Variants in UBN1 observed in about 807,000 individuals in gnomAD.
UBN1 encodes the protein ubinuclein 1.
Under a neutral mutation model 108.5 loss-of-function variants are expected in UBN1, and 17 were observed. That is an observed-to-expected ratio of 0.16 (90% CI 0.11 to 0.24). The LOEUF is 0.24. Among genes scored for constraint, UBN1 ranks in the 10% least tolerant of loss-of-function variants. UBN1 has a pLI of 1.00. For missense variants in UBN1, 1,595 were observed against 1,394.4 expected (o/e 1.14, Z -2.29); for synonymous variants, 726 against 564.2 (o/e 1.29, Z -4.07).
At chr16:4,852,782 G>C (rs904768967) in intron 1 of UBN1, 97 bp from the exon 2 acceptor site, 12 of 1,237,914 alleles carry the variant, frequency 9.7e-6, no homozygotes, top group Admixed American at 2.7e-5. Context: ...GAGTTTTCTT[G>C]ACAATGAAAT....
rs2087034402 is a variant in UBN1, at chr16:4,861,042, C to G, written c.1050C>G (p.Pro350=). ...GVGLDQEFRQ[P]SSLPEGLPAP... is the part of the protein sequence containing the mutation. The stretch of plus-strand genomic sequence containing the variant: ...GATTGGACCAGGAATTCAGGCAGCC[C>G]TCTTCTCTCCCCGAAGGCCTGCCAG... The change falls in exon 7 of 18, where the codon CCC becomes CCG. Residue 350 remains proline, a synonymous_variant. Coordinates refer to ENST00000262376, the MANE Select transcript of UBN1 (RefSeq NM_001079514.3). 1.2e-6 allele frequency: 2 copies of G among 1,614,092 alleles called. No individual in the cohort carries two copies. The highest frequency in any genetic ancestry group is 2.2e-5 in the East Asian group (1 of 44,884).
In UBN1 at chr16:4,877,332, C is replaced by A; in HGVS notation, c.3266-53C>A. 6.4e-7 allele frequency: 1 copy of A among 1,573,924 alleles called. No individual in the cohort carries two copies. The highest frequency in any genetic ancestry group is 1.1e-5 in the South Asian group (1 of 87,156). On this transcript the variant is annotated intron_variant, in intron 16 of 17. Coordinates refer to ENST00000262376, the MANE Select transcript of UBN1 (RefSeq NM_001079514.3). The surrounding 1 kb of genome is among the most constrained non-coding windows in gnomAD (Gnocchi z 4.3). ...TGGCTGCTGGAGCTGCTTTCCTGTT[C>A]CTGTCTTCAATGTGTGTGTTTTGTT...
At chr16:4,871,117 A>C in intron 11 of UBN1, 38 bp from the exon 12 acceptor site, 1 of 1,611,980 alleles carries the variant, frequency 6.2e-7, no homozygotes, top group Non-Finnish European at 8.5e-7. Flanking sequence ...GCAGCATCTG[A>C]AGTAGTTTGG....
At chr16:4,864,874 A>G (rs746149732) in intron 7 of UBN1, among the ~76,000 whole-genome samples, 1 of 151,792 alleles carries the variant, frequency 6.6e-6, no homozygotes, top group African/African-American at 2.4e-5. Flanking sequence ...GGGAAAAAAA[A>G]CGAAAACAAC....
At chr16:4,860,207 T>C (rs999169176) in intron 6 of UBN1, among the ~76,000 whole-genome samples, 3 of 152,244 alleles carry the variant, frequency 2.0e-5, no homozygotes, top group Non-Finnish European at 4.4e-5. Flanking sequence ...CTGATGTTTC[T>C]CGTCCTCTGG....
At chr16:4,848,581 C>T (rs1019388761) in intron 1 of UBN1, among the ~76,000 whole-genome samples, 7 of 152,184 alleles carry the variant, frequency 4.6e-5, no homozygotes, top group Non-Finnish European at 7.3e-5. Flanking sequence ...GTTTAGCGTA[C>T]TGGGTCGTCC....
At position 4,853,073 on chromosome 16, in the gene UBN1, T is replaced by C. The variant is rs1197085392; in HGVS notation, c.156T>C (p.Phe52=). The change falls in exon 2 of 18, where the codon TTT becomes TTC. Residue 52 remains phenylalanine (F), a synonymous_variant. Transcript: ENST00000262376. The stretch of plus-strand genomic sequence containing the variant: ...CTGTTCGGATTACACTCACCCTCTT[T>C]GAACCAGATCACAAACGCTGCCCAG... The part of the protein sequence containing the change: ...AAAVRITLTL[F]EPDHKRCPEF... The C allele has an allele frequency of 6.2e-7, 1 of 1,614,246 alleles. No homozygotes were observed. The highest frequency in any genetic ancestry group is 8.5e-7 in the Non-Finnish European group (1 of 1,180,048).
In UBN1 at chr16:4,881,780, T is replaced by G. The variant is rs2088082410; in HGVS notation, c.*1648T>G. ...TTTGCAACTTGGATTTCCAGTTTGT[T>G]TACAGAGTAGTCTTAGGTAGTAGCA... On this transcript the variant is annotated 3_prime_UTR_variant, in exon 18 of 18. Transcript: ENST00000262376. 6.6e-6 allele frequency: 1 copy of G among 152,440 alleles called. No individual in the cohort carries two copies. The highest frequency in any genetic ancestry group is 2.4e-5 in the African/African-American group (1 of 41,386). The allele number at this position is 152,440 out of a possible 1,614,324, so 9.4% of individuals were successfully genotyped here.
chr16:4,868,798 T>C (rs1323665299), intron 7 of UBN1, 35 bp from the exon 8 acceptor site: 1 of 1,608,400 alleles, frequency 6.2e-7, no homozygotes, highest in East Asian at 2.2e-5. Flanking sequence ...GTGGGGAAAG[T>C]GCACTAACGG....
intron 7 of UBN1, 92 bp from the exon 8 acceptor site, chr16:4,868,741 T>G: frequency 7.7e-7 from 1 of 1,293,942 alleles, no homozygotes; most frequent in East Asian, 2.4e-5. Context: ...ACAGGTGCTC[T>G]TTATGGAGCG....
In UBN1 at chr16:4,875,204, A is replaced by G; in HGVS notation, c.2794A>G (p.Ser932Gly). ...ACCAGTCCAGAGTTCTGTTTCTGGGAGCCTGGTCCCTGGCATACAGCCTCC... is the reference window on the plus strand; with the variant it reads ...ACCAGTCCAGAGTTCTGTTTCTGGGGGCCTGGTCCCTGGCATACAGCCTCC... ...GTPVQSSVSGSLVPGIQPPSV... is the reference protein window; with the variant it reads ...GTPVQSSVSGGLVPGIQPPSV... Residue 932 changes from serine to glycine, a missense_variant, in exon 15 of 18, where the codon AGC (serine) becomes GGC (glycine). By Grantham distance (56) the Ser-to-Gly change is moderately conservative (BLOSUM62 0). Transcript: ENST00000262376. The G allele has an allele frequency of 6.2e-7, 1 of 1,614,204 alleles. No individual in the cohort carries two copies. Among genetic ancestry groups the G allele is most frequent in the Non-Finnish European group, 8.5e-7 (1 of 1,180,040 alleles).
At chr16:4,868,958 G>C (rs1596508149) in intron 8 of UBN1, 55 bp downstream of exon 8, 1 of 1,600,096 alleles carries the variant, frequency 6.2e-7, no homozygotes, top group East Asian at 2.2e-5. Flanking sequence ...TACTGAGCTT[G>C]GGGCAAGCCA....
chr16:4,863,431 C>T (rs1055533621), intron 7 of UBN1, among the ~76,000 whole-genome samples: 1 of 152,034 alleles, frequency 6.6e-6, no homozygotes, highest in Non-Finnish European at 1.5e-5. Flanking sequence ...CACTGGTATA[C>T]TCAAATTGCT....
intron 7 of UBN1, among the ~76,000 whole-genome samples, chr16:4,862,316 G>C (rs2087105687): frequency 6.6e-6 from 1 of 152,192 alleles, no homozygotes; most frequent in Non-Finnish European, 1.5e-5. Context: ...CATATACAAA[G>C]CAAATAAAGT....
rs1358514761 is a variant in UBN1 at position 4,847,556 on chromosome 16, AC to A, written c.-692del. The A allele has an allele frequency of 1.4e-5, 6 of 421,154 alleles. No individual in the cohort carries two copies. Among genetic ancestry groups the A allele is most frequent in the Non-Finnish European group, 8.5e-6 (2 of 236,050 alleles). The allele number at this position is 421,154 out of a possible 1,614,324, so 26.1% of individuals were successfully genotyped here. ...AGGCGGCGGCGGCGGCGACGGTGCG[AC>A]CGGCTGAGCGCGAGAGGGAGCCGGC... On this transcript the variant is annotated 5_prime_UTR_variant, in exon 1 of 18. Transcript: ENST00000262376.
At chr16:4,873,545 G>A (rs946792030) in intron 14 of UBN1, among the ~76,000 whole-genome samples, 1 of 152,196 alleles carries the variant, frequency 6.6e-6, no homozygotes, top group African/African-American at 2.4e-5. Flanking sequence ...ACCTCTCAAT[G>A]TAGTAAAAAT....
At chr16:4,853,986 G>A (rs749546900) in intron 2 of UBN1, among the ~76,000 whole-genome samples, 29 of 152,050 alleles carry the variant, frequency 1.9e-4, no homozygotes, top group Non-Finnish European at 3.7e-4. Flanking sequence ...CAATACTTAT[G>A]GGCAACCACT....
rs1394502377 is a variant in UBN1, at chr16:4,874,367, C to T, written c.1957C>T (p.Pro653Ser). The change falls in exon 15 of 18, where the codon CCT becomes TCT. Residue 653 changes from proline (P) to serine (S), a missense_variant. By Grantham distance (74) the Pro-to-Ser change is moderately conservative (BLOSUM62 -1). This residue lies in a region of UBN1 where 1,398 missense variants were observed against 1,194.7 expected (regional missense o/e 1.17). Transcript: ENST00000262376. ...SQASGGLANP[P>S]PVNLEDSLDE... is the part of the protein sequence containing the mutation. The stretch of plus-strand genomic sequence containing the variant: ...GGCATCGGGCGGCCTTGCTAACCCT[C>T]CTCCTGTCAACCTGGAGGACTCATT... 3 of 1,614,044 alleles carry T rather than the reference C, an allele frequency of 1.9e-6. No individual in the cohort carries two copies. The highest frequency in any genetic ancestry group is 2.2e-5 in the South Asian group (2 of 91,082).
chr16:4,859,186 C>T (rs201876767), intron 5 of UBN1, 27 bp downstream of exon 5: 8 of 1,605,650 alleles, frequency 5.0e-6, no homozygotes, highest in Non-Finnish European at 6.8e-6. Context: ...TTTTGGATTT[C>T]AGAAATGCTT....
Sources: allele counts gnomAD v4.1 joint callset (sites outside exome capture counted in the v4.1 genomes callset), GRCh38; gene constraint gnomAD v4.1.1; regional missense constraint gnomAD v4.1.1; non-coding constraint Gnocchi (gnomAD v3.1); transcripts MANE v1.5; gene names NCBI Gene and HGNC (gene_info 2026-07-23, HGNC 2026-07-21).